Variants in DNAH9 observed in about 807,000 individuals in gnomAD.
DNAH9 encodes the protein dynein axonemal heavy chain 9.
A neutral mutation model predicts 471.6 loss-of-function variants in DNAH9; 345 were observed. The observed-to-expected ratio is 0.73, with a 90% CI of 0.67 to 0.80. The LOEUF (loss-of-function observed/expected upper bound fraction) is 0.80, where lower values mean the gene tolerates loss of function less well. DNAH9 is among the 30% of genes least tolerant of loss of function. The pLI, the probability that DNAH9 is intolerant of heterozygous loss-of-function variation, is 0.00. For synonymous variants in DNAH9, 2,093 were observed against 2,123.6 expected, an observed-to-expected ratio of 0.99 and a Z score of 0.40; for missense variants, 5,407 against 5,609.2, an observed-to-expected ratio of 0.96 and a Z score of 1.15.
At chr17:11,674,336 C>G (rs191732183) in intron 17 of DNAH9, among the ~76,000 whole-genome samples, 1 of 152,158 alleles carries the variant, frequency 6.6e-6, no homozygotes, top group African/African-American at 2.4e-5. Context: ...GCTCTTACAG[C>G]CTAGCATCCT....
rs1967747976 is a variant in DNAH9, at chr17:11,762,770, G to GTTTTTGT, written c.6996-665_6996-664insGTTTTTT. ...CCTCTTTAGGTGCGTTTTTTTTTTT[G>GTTTTTGT]TTTTTTTTTTTTTTTTTTTTTTTTT... On this transcript the variant is annotated intron_variant, in intron 35 of 68. Transcript: ENST00000262442. Among the ~76,000 whole-genome samples the GTTTTTGT allele has an allele frequency of 2.9e-4, 26 of 90,796 alleles. 2 individuals carry two copies. The highest frequency in any genetic ancestry group is 4.4e-4 in the Non-Finnish European group (20 of 45,778). The allele number at this position is 90,796 out of a possible 152,430, so 59.6% of individuals were successfully genotyped here.
intron 11 of DNAH9, among the ~76,000 whole-genome samples, chr17:11,645,926 T>C (rs1247990886): frequency 9.5e-5 from 14 of 146,654 alleles, no homozygotes; most frequent in African/African-American, 3.7e-4. Flanking sequence ...GTCGCCCAGA[T>C]TGGAGTGCAG....
intron 45 of DNAH9, among the ~76,000 whole-genome samples, chr17:11,814,218 C>T (rs1970016366): frequency 6.6e-6 from 1 of 152,182 alleles, no homozygotes; most frequent in South Asian, 2.1e-4. Flanking sequence ...CAAGTCCCCA[C>T]TCTAATTTAG....
intron 36 of DNAH9, among the ~76,000 whole-genome samples, chr17:11,766,693 G>A (rs141631529): frequency 9.3e-4 from 142 of 152,292 alleles, no homozygotes; most frequent in Non-Finnish European, 8.7e-4. Context: ...GGCTGGGTGC[G>A]GTGGCTCACG....
chr17:11,610,359 T>C, intron 2 of DNAH9, 37 bp from the exon 3 acceptor site: 1 of 1,588,824 alleles, frequency 6.3e-7, no homozygotes, highest in Non-Finnish European at 8.6e-7. Flanking sequence ...GGTTTTTGTT[T>C]TTGTTGTTAT....
At chr17:11,685,440 A>G (rs575906564) in intron 19 of DNAH9, among the ~76,000 whole-genome samples, 6 of 152,180 alleles carry the variant, frequency 3.9e-5, no homozygotes, top group Non-Finnish European at 7.3e-5. Context: ...GAGTCTAAGT[A>G]TGACAAAAAC....
intron 66 of DNAH9, among the ~76,000 whole-genome samples, chr17:11,938,295 TA>T (rs1288744870): frequency 6.6e-6 from 1 of 151,750 alleles, no homozygotes; most frequent in East Asian, 1.9e-4. Context: ...CCATCTCTAC[TA>T]AAAAATACAA....
intron 5 of DNAH9, among the ~76,000 whole-genome samples, chr17:11,618,377 A>G (rs905359916): frequency 1.3e-5 from 2 of 151,954 alleles, no homozygotes; most frequent in East Asian, 3.9e-4. Context: ...CACGAGGTCA[A>G]GAGATCGAGA....
chr17:11,910,269 T>G (rs1288886255), intron 61 of DNAH9, among the ~76,000 whole-genome samples: 1 of 151,892 alleles, frequency 6.6e-6, no homozygotes, highest in Non-Finnish European at 1.5e-5. Context: ...AAAAAAAAAT[T>G]GCCTATTCTG....
At chr17:11,803,552 T>C (rs886257699) in intron 43 of DNAH9, among the ~76,000 whole-genome samples, 1 of 152,266 alleles carries the variant, frequency 6.6e-6, no homozygotes. Flanking sequence ...AGGAGCACTT[T>C]AGAATATTGA....
In DNAH9 at chr17:11,705,196, G is replaced by A. The variant is rs750883499; in HGVS notation, c.5552+11G>A. ...ACCTTTGACTGACAGGTGAGCACTG[G>A]TGTCAACCACTGACAGCCTTACTGC... On this transcript the variant is annotated intron_variant, in intron 26 of 68. Transcript: ENST00000262442. 4 of 1,613,200 alleles carry A rather than the reference G, an allele frequency of 2.5e-6. No individual in the cohort carries two copies. The highest frequency in any genetic ancestry group is 3.4e-6 in the Non-Finnish European group (4 of 1,179,282).
intron 52 of DNAH9, among the ~76,000 whole-genome samples, chr17:11,872,906 C>T (rs544882246): frequency 3.9e-5 from 6 of 152,266 alleles, no homozygotes; most frequent in Admixed American, 6.5e-5. Context: ...GGCGACAGAG[C>T]GAGACTCCGT....
At chr17:11,748,507 G>A (rs945659775) in intron 32 of DNAH9, among the ~76,000 whole-genome samples, 1 of 152,072 alleles carries the variant, frequency 6.6e-6, no homozygotes, top group African/African-American at 2.4e-5. Flanking sequence ...TAAAGGGCAC[G>A]ACTCCCCTAT....
intron 38 of DNAH9, among the ~76,000 whole-genome samples, chr17:11,770,713 CTTCTA>C (rs1237024653): frequency 2.0e-5 from 3 of 152,198 alleles, no homozygotes; most frequent in Non-Finnish European, 2.9e-5. Flanking sequence ...ATGTAAACAT[CTTCTA>C]TTCAAGTACT....
At chr17:11,928,954 T>A (rs540735777) in intron 62 of DNAH9, among the ~76,000 whole-genome samples, 1 of 151,044 alleles carries the variant, frequency 6.6e-6, no homozygotes, top group Non-Finnish European at 1.5e-5. Flanking sequence ...ATTTGTACCA[T>A]CAAGGTTTCA....
intron 67 of DNAH9, among the ~76,000 whole-genome samples, chr17:11,954,547 G>GA (rs200361171): frequency 1.4e-4 from 21 of 151,632 alleles, no homozygotes; most frequent in African/African-American, 3.1e-4. Context: ...AGTACTAAAA[G>GA]AAAAAAACTG....
chr17:11,704,519 G>A, intron 25 of DNAH9, 77 bp downstream of exon 25: 5 of 1,523,992 alleles, frequency 3.3e-6, no homozygotes, highest in Non-Finnish European at 4.4e-6. Context: ...CAAAATATGG[G>A]GGCCCCAGGG....
intron 41 of DNAH9, among the ~76,000 whole-genome samples, chr17:11,787,613 T>A (rs1597648048): frequency 6.6e-6 from 1 of 152,186 alleles, no homozygotes; most frequent in African/African-American, 2.4e-5. Flanking sequence ...CTCCCCTCGC[T>A]CTGTTCAGAT....
chr17:11,822,584 C>T lies in DNAH9; in HGVS notation c.8997C>T (p.Asn2999=), dbSNP rs764380571. Residue 2999 remains asparagine (N), a synonymous_variant, in exon 47 of 69, where the codon AAC becomes AAT. Transcript: ENST00000262442. ...LESVSLRFLQ[N]TEGIEPTVKQ... Reference sequence around the variant, plus strand: ...CTGTCAGCCTCCGCTTCTTGCAGAACACAGAGGGCATTGAGGTGAGAGAGA... The same window carrying T: ...CTGTCAGCCTCCGCTTCTTGCAGAATACAGAGGGCATTGAGGTGAGAGAGA... The T allele has an allele frequency of 3.0e-5, 49 of 1,614,004 alleles. No homozygotes were observed. Among genetic ancestry groups the T allele is most frequent in the Non-Finnish European group, 3.8e-5 (45 of 1,180,020 alleles).
Sources: allele counts gnomAD v4.1 joint callset (sites outside exome capture counted in the v4.1 genomes callset), GRCh38; gene constraint gnomAD v4.1.1; transcripts MANE v1.5; gene names NCBI Gene and HGNC (gene_info 2026-07-23, HGNC 2026-07-21).